The following MROH7 variants were observed in gnomAD, a reference collection of about 807,000 sequenced individuals.
MROH7 encodes the protein maestro heat like repeat family member 7, also known as maestro heat-like repeat-containing protein family member 7.
A neutral mutation model predicts 129.2 loss-of-function variants in MROH7; 113 were observed. The observed-to-expected ratio is 0.87, with a 90% CI of 0.75 to 1.02. MROH7 has a LOEUF of 1.02. Ranked by LOEUF, MROH7 falls within the 50% of genes least tolerant of loss-of-function variation. The pLI, the probability that MROH7 is intolerant of heterozygous loss-of-function variation, is 0.00. For synonymous variants in MROH7, 655 were observed against 667.9 expected (o/e 0.98, Z 0.30); for missense variants, 1,601 against 1,671.3 (o/e 0.96, Z 0.73).
chr1:54,668,955 G>C lies in MROH7; in HGVS notation c.1389+18G>C. 6.3e-7 allele frequency: 1 copy of C among 1,581,864 alleles called. No individual in the cohort carries two copies. Among genetic ancestry groups the C allele is most frequent in the Non-Finnish European group, 8.7e-7 (1 of 1,151,076 alleles). On this transcript the variant is annotated intron_variant, in intron 5 of 23. Transcript: ENST00000421030. Reference sequence around the variant, plus strand: ...AGATTATGGTGGGGGAGCCACAGGCGGGTCTGTGGCATTGGGGTGGGAGGG... The same window carrying C: ...AGATTATGGTGGGGGAGCCACAGGCCGGTCTGTGGCATTGGGGTGGGAGGG...
chr1:54,708,138 G>A (rs1006833291), intron 22 of MROH7, among the ~76,000 whole-genome samples: 2 of 152,108 alleles, frequency 1.3e-5, no homozygotes, highest in Non-Finnish European at 2.9e-5. Flanking sequence ...GAAGTGAGGC[G>A]CCAGGCAGGG....
At chr1:54,689,316 A>C (rs1645197490) in intron 15 of MROH7, among the ~76,000 whole-genome samples, 1 of 152,178 alleles carries the variant, frequency 6.6e-6, no homozygotes. Context: ...ATAGGCAAGG[A>C]AGCATTCTCC....
At chr1:54,672,913 C>A (rs1350473305) in intron 7 of MROH7, among the ~76,000 whole-genome samples, 178 bp from the exon 8 acceptor site, 1 of 152,138 alleles carries the variant, frequency 6.6e-6, no homozygotes, top group Non-Finnish European at 1.5e-5. Flanking sequence ...AAACTGTAAC[C>A]CATGAGGGGA....
rs1557692314 is a variant in MROH7 at position 54,654,083 on chromosome 1, GC to G, written c.1159del (p.Gln387SerfsTer17). The G allele has an allele frequency of 1.2e-5, 19 of 1,613,890 alleles. No individual in the cohort carries two copies. The highest frequency in any genetic ancestry group is 1.5e-5 in the Non-Finnish European group (18 of 1,179,920). On this transcript the variant is annotated frameshift_variant, in exon 3 of 24. Coordinates refer to ENST00000421030, the MANE Select transcript of MROH7 (RefSeq NM_001039464.4). LOFTEE classifies it high-confidence loss of function. ...SWSEMASIKV[G>X]QFPLGFPISN... ...AGTGAGATGGCCAGCATTAAGGTGG[GC>G]CAGTTCCCGCTGGGATTCCCCATCT...
intron 3 of MROH7, 151 bp from the exon 4 acceptor site, chr1:54,665,016 C>CA (rs887718646): frequency 3.2e-4 from 184 of 577,760 alleles, no homozygotes; most frequent in Non-Finnish European, 4.1e-4. Flanking sequence ...GAGACTGTCT[C>CA]AAAAAAAAGG....
chr1:54,645,397 A>C (rs1644448638), intron 1 of MROH7, among the ~76,000 whole-genome samples: 1 of 152,026 alleles, frequency 6.6e-6, no homozygotes, highest in Admixed American at 6.6e-5. Flanking sequence ...CTCCTGCCCA[A>C]GCCTCCTGAG....
chr1:54,701,198 A>T lies in MROH7; in HGVS notation c.3161A>T (p.Asp1054Val). ...PSMVKGLKNM[D>V]GMLVVEAVHN... ...ATGGTGAAGGGCCTGAAGAACATGG[A>T]TGGGATGCTGGTGGTGGAAGCGGTC... The change falls in exon 19 of 24, where the codon GAT becomes GTT. Residue 1054 changes from aspartate (D) to valine (V), a missense_variant. Transcript: ENST00000421030. The T allele has an allele frequency of 6.2e-7, 1 of 1,614,188 alleles. No individual in the cohort carries two copies. Among genetic ancestry groups the T allele is most frequent in the Non-Finnish European group, 8.5e-7 (1 of 1,180,036 alleles).
In MROH7 at chr1:54,679,984, G is replaced by T; in HGVS notation, c.2320G>T (p.Ala774Ser). ...QVALLPVSLL[A>S]SSFMTEVVVA... is the part of the protein sequence containing the mutation. ...GGCCCTGCTGCCCGTCTCCCTCCTG[G>T]CTAGCTCCTTCATGACCGAGGTTGT... is the stretch of plus-strand genomic sequence containing the variant. Residue 774 changes from alanine (A) to serine (S), a missense_variant, in exon 13 of 24, where the codon GCT becomes TCT. Transcript: ENST00000421030. 6.2e-7 allele frequency: 1 copy of T among 1,613,962 alleles called. No individual in the cohort carries two copies. Among genetic ancestry groups the T allele is most frequent in the Non-Finnish European group, 8.5e-7 (1 of 1,179,970 alleles).
intron 13 of MROH7, among the ~76,000 whole-genome samples, chr1:54,680,949 T>C (rs1462180865): frequency 6.7e-6 from 1 of 148,844 alleles, no homozygotes; most frequent in Non-Finnish European, 1.5e-5. Context: ...CCCACCAGGG[T>C]TTTTTTTTTC....
chr1:54,709,179 G>C, intron 23 of MROH7, 103 bp downstream of exon 23: 1 of 1,109,476 alleles, frequency 9.0e-7, no homozygotes, highest in Non-Finnish European at 1.4e-6. Context: ...CCAAGACAAG[G>C]GTCTTCAACT....
At position 54,695,436 on chromosome 1, in the gene MROH7, C is replaced by T. The variant is rs762448404; in HGVS notation, c.2910C>T (p.Leu970=). 4.3e-6 allele frequency: 7 copies of T among 1,613,940 alleles called. No homozygotes were observed. In the South Asian group the frequency reaches 7.7e-5, roughly 18 times the overall value. Residue 970 remains leucine, a synonymous_variant, in exon 17 of 24, where the codon CTC becomes CTT. Coordinates refer to ENST00000421030, the MANE Select transcript of MROH7 (RefSeq NM_001039464.4). The stretch of plus-strand genomic sequence containing the variant: ...GCATCCTCTACCTGCTCATCCCGCT[C>T]CTGGAGCGAGGCGACGAGAAGCACA... ...LCRILYLLIP[L]LERGDEKHRI...
intron 15 of MROH7, among the ~76,000 whole-genome samples, chr1:54,689,212 G>A (rs1398224709): frequency 1.2e-4 from 19 of 152,312 alleles, no homozygotes; most frequent in Non-Finnish European, 2.4e-4. Context: ...ATAAGGAGAA[G>A]AGAGGCCCAG....
chr1:54,701,246 A>G lies in MROH7; in HGVS notation c.3209A>G (p.Lys1070Arg). Residue 1070 changes from lysine (K) to arginine (R), a missense_variant, in exon 19 of 24, where the codon AAG becomes AGG. Physicochemically the swap from Lys to Arg is conservative, Grantham distance 26 (BLOSUM62 2). Transcript: ENST00000421030. Reference protein sequence around the residue: ...EAVHNLKAVFKGRDQKLMDSA... With the variant: ...EAVHNLKAVFRGRDQKLMDSA... ...GTCCACAACCTCAAGGCTGTCTTCA[A>G]GGGGCGGGACCAGAAGCTGATGGAC... 2 of 1,614,132 alleles carry G rather than the reference A, an allele frequency of 1.2e-6. No homozygotes were observed. The highest frequency in any genetic ancestry group is 1.7e-6 in the Non-Finnish European group (2 of 1,179,966).
chr1:54,642,433 CT>C (rs1195473820), intron 1 of MROH7, among the ~76,000 whole-genome samples: 1 of 152,094 alleles, frequency 6.6e-6, no homozygotes, highest in African/African-American at 2.4e-5. Flanking sequence ...TTTCACTGAA[CT>C]TTTCCTTTAG....
chr1:54,657,559 T>C (rs1284796994), intron 3 of MROH7, among the ~76,000 whole-genome samples: 1 of 152,032 alleles, frequency 6.6e-6, no homozygotes, highest in Non-Finnish European at 1.5e-5. Context: ...TAATATCTTG[T>C]AGAGAAGAGA....
chr1:54,670,836 G>A lies in MROH7; in HGVS notation c.1506G>A (p.Ser502=), dbSNP rs755799720. 80 of 1,614,058 alleles carry A rather than the reference G, an allele frequency of 5.0e-5. 1 individual carries two copies. The highest frequency in any genetic ancestry group is 3.0e-4 in the Admixed American group (18 of 60,020). Residue 502 remains serine (S), a synonymous_variant, in exon 7 of 24, where the codon TCG becomes TCA. Coordinates refer to ENST00000421030, the MANE Select transcript of MROH7 (RefSeq NM_001039464.4). ...CCACCCTGGGCATGCGGGAGAGGTC[G>A]GAGCTGGTGAACGTGTGTGTGCACA... ...TQPTLGMRER[S]ELVNVCVHSV...
At position 54,702,739 on chromosome 1, in the gene MROH7, G is replaced by C. The variant is rs550624883; in HGVS notation, c.3558G>C (p.Lys1186Asn). ...AGCAGACAGTGGCCAAAATTTGCAAGTGCCTTGTGAGTGCTCCCAGAGAGT... is the reference window on the plus strand; with the variant it reads ...AGCAGACAGTGGCCAAAATTTGCAACTGCCTTGTGAGTGCTCCCAGAGAGT... ...NQQQTVAKIC[K>N]CLVNTHRDSA... The change falls in exon 21 of 24, where the codon AAG becomes AAC. Residue 1186 changes from lysine to asparagine, a missense_variant. Coordinates refer to ENST00000421030, the MANE Select transcript of MROH7 (RefSeq NM_001039464.4). 7 of 1,612,504 alleles carry C rather than the reference G, an allele frequency of 4.3e-6. No individual in the cohort carries two copies. In the South Asian group the frequency reaches 7.7e-5, roughly 18 times the overall value.
intron 4 of MROH7, among the ~76,000 whole-genome samples, 186 bp downstream of exon 4, chr1:54,665,426 C>T (rs376285425): frequency 6.6e-6 from 1 of 152,246 alleles, no homozygotes; most frequent in Non-Finnish European, 1.5e-5. Flanking sequence ...TTGTTCATCT[C>T]CTCCACAAGG....
chr1:54,688,855 A>T lies in MROH7; in HGVS notation c.2711+2407A>T, dbSNP rs557415533. On this transcript the variant is annotated intron_variant, in intron 15 of 23. Transcript: ENST00000421030. ...GAACACATATGGGAAAAAATTCTTG[A>T]CCTTGGAGTGATGAAAGGTATGACC... Among the ~76,000 whole-genome samples the T allele has an allele frequency of 3.9e-5, 6 of 152,258 alleles. No homozygotes were observed. The East Asian group carries it at 1.2e-3, about 30-fold the overall frequency.
Sources: gnomAD v4.1 joint callset for allele counts (sites outside exome capture counted in the v4.1 genomes callset) on GRCh38, gnomAD v4.1.1 for gene constraint, MANE v1.5 for transcripts, NCBI Gene and HGNC (gene_info 2026-07-23, HGNC 2026-07-21) for gene names.